The following IST1 variants were observed in gnomAD, a reference collection of about 807,000 sequenced individuals.
IST1 encodes the protein IST1 homolog.
In IST1, 23 loss-of-function variants were observed where a neutral mutation model predicts 37.0. The observed-to-expected ratio is 0.62, with a 90% CI of 0.45 to 0.88. The LOEUF (loss-of-function observed/expected upper bound fraction) is 0.88. Ranked by LOEUF, IST1 falls within the 40% of genes least tolerant of loss-of-function variation. The pLI is 0.00. For synonymous variants in IST1, 180 were observed against 161.7 expected (o/e 1.11, Z -0.86); for missense variants, 488 against 445.4 (o/e 1.10, Z -0.86).
At chr16:71,923,464 A>C in intron 8 of IST1, 84 bp downstream of exon 8, 2 of 823,198 alleles carry the variant, frequency 2.4e-6, no homozygotes, top group Non-Finnish European at 2.0e-6. Context: ...GGGAAGGCAG[A>C]GTTTTGATCA....
intron 4 of IST1, among the ~76,000 whole-genome samples, chr16:71,919,938 T>C (rs77926191): frequency 6.6e-6 from 1 of 152,142 alleles, no homozygotes; most frequent in South Asian, 2.1e-4. Context: ...AATTTTTACC[T>C]TCTGCAGAAA....
chr16:71,894,950 C>T (rs566741123), upstream of IST1: 59 of 891,132 alleles, frequency 6.6e-5, 1 homozygote, highest in East Asian at 1.4e-3. Flanking sequence ...TGAATTATAC[C>T]ACACAGACCG....
chr16:71,922,456 T>G lies in IST1; in HGVS notation c.553-18T>G, dbSNP rs1253002069. On this transcript the variant is annotated intron_variant, in intron 6 of 9. Transcript: ENST00000378799. ...CTTGGACATGGGTTAATGACCTGGG[T>G]TTCTCTTTTTTTCTCAGGCAGAAGC... The G allele has an allele frequency of 6.2e-7, 1 of 1,608,654 alleles. No individual in the cohort carries two copies. Among genetic ancestry groups the G allele is most frequent in the South Asian group, 1.1e-5 (1 of 90,884 alleles).
chr16:71,911,904 G>C (rs1277701439), intron 1 of IST1, among the ~76,000 whole-genome samples: 1 of 151,896 alleles, frequency 6.6e-6, no homozygotes. Context: ...TTTTGGTACA[G>C]TTGGAGTTTC....
intron 1 of IST1, among the ~76,000 whole-genome samples, chr16:71,896,781 A>C (rs2036981044): frequency 6.6e-6 from 1 of 152,008 alleles, no homozygotes; most frequent in Non-Finnish European, 1.5e-5. Flanking sequence ...GGAGTTGGAG[A>C]ACAGCGTGGG....
chr16:71,921,300 G>A (rs759143245), intron 5 of IST1, 43 bp from the exon 6 acceptor site: 1 of 1,164,594 alleles, frequency 8.6e-7, no homozygotes, highest in South Asian at 1.2e-5. Context: ...GATTAGGCTG[G>A]TTGGTATACA....
chr16:71,902,270 TTTAA>T (rs1176365261), intron 1 of IST1, among the ~76,000 whole-genome samples: 7 of 152,088 alleles, frequency 4.6e-5, no homozygotes, highest in Admixed American at 6.6e-5. Context: ...TAATTTTAGA[TTTAA>T]TTGTTTTTTT....
At chr16:71,914,563 T>C (rs1189092793) in intron 1 of IST1, among the ~76,000 whole-genome samples, 1 of 152,212 alleles carries the variant, frequency 6.6e-6, no homozygotes, top group Admixed American at 6.5e-5. Flanking sequence ...ATTTAATTAC[T>C]GGATTCCAGA....
chr16:71,909,709 T>C (rs1377008021), intron 1 of IST1, among the ~76,000 whole-genome samples: 1 of 152,246 alleles, frequency 6.6e-6, no homozygotes, highest in Non-Finnish European at 1.5e-5. Flanking sequence ...ACATGTTCAC[T>C]TCTAGGATTA....
intron 1 of IST1, among the ~76,000 whole-genome samples, chr16:71,913,660 C>T (rs1269135925): frequency 3.9e-5 from 6 of 152,000 alleles, no homozygotes; most frequent in Non-Finnish European, 7.4e-5. Flanking sequence ...GCCACCACGC[C>T]CGGCTAATTT....
At chr16:71,923,529 C>G (rs1172723473) in intron 8 of IST1, 149 bp downstream of exon 8, 1 of 497,366 alleles carries the variant, frequency 2.0e-6, no homozygotes, top group Admixed American at 3.7e-5. Flanking sequence ...CTTTATAACA[C>G]TACCCTGGAA....
chr16:71,923,419 G>A, intron 8 of IST1, 39 bp downstream of exon 8: 2 of 1,297,956 alleles, frequency 1.5e-6, no homozygotes, highest in Non-Finnish European at 2.2e-6. Flanking sequence ...ACAGGAGAGT[G>A]AATGCCATGA....
At chr16:71,908,407 C>G (rs2037277211) in intron 1 of IST1, among the ~76,000 whole-genome samples, 1 of 140,424 alleles carries the variant, frequency 7.1e-6, no homozygotes, top group Admixed American at 7.9e-5. Flanking sequence ...TCAAGCGATT[C>G]TCCTGCCTCA....
chr16:71,901,951 T>C (rs141053218), intron 1 of IST1, among the ~76,000 whole-genome samples: 2 of 152,314 alleles, frequency 1.3e-5, no homozygotes, highest in South Asian at 2.1e-4. Flanking sequence ...GAAAAAGATA[T>C]AAAGCATGCC....
In IST1 at chr16:71,926,260, C is replaced by T. The variant is rs377251845; in HGVS notation, c.902-1354C>T. Among the ~76,000 whole-genome samples the T allele has an allele frequency of 2.6e-5, 4 of 151,614 alleles. No individual in the cohort carries two copies. The East Asian group carries it at 5.8e-4, about 22-fold the overall frequency. On this transcript the variant is annotated intron_variant, in intron 9 of 9. Transcript: ENST00000378799. ...TTATGCCATTGCACTCCAGCCTGGG[C>T]GACAGAGTGAGACTTTGTCTAAAAA...
chr16:71,896,377 G>A (rs1030550000), intron 1 of IST1, among the ~76,000 whole-genome samples: 1 of 151,868 alleles, frequency 6.6e-6, no homozygotes, highest in Non-Finnish European at 1.5e-5. Context: ...GATCTTTAGG[G>A]GAAACTTGAA....
At chr16:71,923,611 A>G (rs564977456) in intron 8 of IST1, 2 of 375,830 alleles carry the variant, frequency 5.3e-6, no homozygotes, top group African/African-American at 2.1e-5. Flanking sequence ...GGAATCAGGA[A>G]GGAACTGCAG....
At position 71,909,095 on chromosome 16, in the gene IST1, C is replaced by CTTT. The variant is rs34086105; in HGVS notation, c.-15-6513_-15-6511dup. ...CATGTTTTTGTCAAATTTTGTTTGT[C>CTTT]TTTTTTTTTTTTTTTTTTTTGGATA... On this transcript the variant is annotated intron_variant, in intron 1 of 9. Transcript: ENST00000378799. 3.6e-3 allele frequency among the ~76,000 whole-genome samples: 373 copies of CTTT among 102,930 alleles called. 15 individuals carry two copies. Among genetic ancestry groups the CTTT allele is most frequent in the African/African-American group, 0.011 (293 of 27,010 alleles). The allele number at this position is 102,930 out of a possible 152,430, so 67.5% of individuals were successfully genotyped here.
intron 1 of IST1, among the ~76,000 whole-genome samples, chr16:71,901,298 C>A (rs1464721227): frequency 6.6e-6 from 1 of 152,056 alleles, no homozygotes; most frequent in African/African-American, 2.4e-5. Flanking sequence ...ACTGCAAGCT[C>A]CACCTCCCGG....
Sources: gnomAD v4.1 joint callset for allele counts (sites outside exome capture counted in the v4.1 genomes callset) on GRCh38, gnomAD v4.1.1 for gene constraint, MANE v1.5 for transcripts, NCBI Gene and HGNC (gene_info 2026-07-23, HGNC 2026-07-21) for gene names.